ALPK1: variants seen among roughly 807,000 people sequenced by gnomAD.
ALPK1 encodes alpha-protein kinase 1.
In ALPK1, 110 loss-of-function variants were observed where a neutral mutation model predicts 120.6. The observed-to-expected ratio is 0.91, with a 90% CI of 0.78 to 1.07. The LOEUF (loss-of-function observed/expected upper bound fraction) is 1.07, where lower values mean the gene tolerates loss of function less well. ALPK1 is among the 50% of genes least tolerant of loss of function. The pLI is 0.00. For synonymous variants in ALPK1, 582 were observed against 560.3 expected (o/e 1.04, Z -0.55); for missense variants, 1,498 against 1,483.9 (o/e 1.01, Z -0.16).
rs755581408 is a variant in ALPK1 at position 112,430,808 on chromosome 4, GT to G, written c.1263del (p.Gln422LysfsTer6). The G allele has an allele frequency of 6.2e-7, 1 of 1,614,234 alleles. No homozygotes were observed. Among genetic ancestry groups the G allele is most frequent in the South Asian group, 1.1e-5 (1 of 91,088 alleles). ...VIAQVKEHLQ[V>X]QSFSNVDDRS... ...TGCCCAGGTGAAGGAACATTTACAA[GT>G]TCAAAGCTTCTCAAATGTAGATGAC... is the stretch of plus-strand genomic sequence containing the variant. On this transcript the variant is annotated frameshift_variant, in exon 11 of 16. Transcript: ENST00000650871. LOFTEE classifies it high-confidence loss of function.
intron 4 of ALPK1, chr4:112,410,779 G>T (rs187639891): frequency 1.3e-5 from 2 of 152,006 alleles, no homozygotes; most frequent in South Asian, 4.2e-4. Flanking sequence ...TCTACTTCTC[G>T]CTCTTTATGT....
At chr4:112,365,765 A>G (rs1174243036) in intron 2 of ALPK1, among the ~76,000 whole-genome samples, 2 of 152,214 alleles carry the variant, frequency 1.3e-5, no homozygotes. Flanking sequence ...ACTAAGCAAA[A>G]AGAACGAATC....
intron 2 of ALPK1, among the ~76,000 whole-genome samples, chr4:112,351,893 T>C (rs958020113): frequency 6.6e-6 from 1 of 152,254 alleles, no homozygotes; most frequent in Non-Finnish European, 1.5e-5. Context: ...CAATAGACTA[T>C]GTTTACCATG....
At position 112,412,535 on chromosome 4, in the gene ALPK1, T is replaced by C. The variant is rs930662469; in HGVS notation, c.475+510T>C. The C allele has an allele frequency of 5.0e-5, 22 of 437,618 alleles. No individual in the cohort carries two copies. In the Admixed American group the frequency reaches 5.4e-4, roughly 11 times the overall value. The allele number at this position is 437,618 out of a possible 1,614,324, so 27.1% of individuals were successfully genotyped here. On this transcript the variant is annotated intron_variant, in intron 5 of 15. Coordinates refer to ENST00000650871, the MANE Select transcript of ALPK1 (RefSeq NM_025144.4). ...GATTAGGTCTTAAAGTATCTTTTTT[T>C]TTCCTGTCACTTTGAATGAAATGAA...
At chr4:112,419,395 G>T (rs1223521826) in intron 5 of ALPK1, among the ~76,000 whole-genome samples, 1 of 152,004 alleles carries the variant, frequency 6.6e-6, no homozygotes, top group Non-Finnish European at 1.5e-5. Context: ...ATTATCAAGT[G>T]GTTCAAGTTG....
rs1475369284 is a variant in ALPK1, at chr4:112,435,143, C to T, written c.3035-5C>T. On this transcript the variant is annotated splice_polypyrimidine_tract_variant and splice_region_variant and intron_variant, in intron 11 of 15. Transcript: ENST00000650871. ...AAGATTCATTTTCATCTTTTTTTTTCCCAGGTGCTCTTTTGTTAAAATATT... is the reference window on the plus strand; with the variant it reads ...AAGATTCATTTTCATCTTTTTTTTTTCCAGGTGCTCTTTTGTTAAAATATT... 5.1e-6 allele frequency: 8 copies of T among 1,584,146 alleles called. No homozygotes were observed. The highest frequency in any genetic ancestry group is 2.3e-5 in the East Asian group (1 of 44,332).
Position 112,429,225 on chromosome 4 carries a change from A to T in ALPK1, c.872A>T (p.Tyr291Phe). 1.2e-6 allele frequency: 2 copies of T among 1,612,932 alleles called. No homozygotes were observed. The highest frequency in any genetic ancestry group is 1.7e-6 in the Non-Finnish European group (2 of 1,179,944). The part of the protein sequence containing the change: ...ACKLAAAFSA[Y>F]TPLFVLTAVN... ...AAGCTGGCAGCTGCCTTCAGTGCCT[A>T]TACGCCGCTCTTCGTGCTCACAGCT... Residue 291 changes from tyrosine to phenylalanine, a missense_variant, in exon 10 of 16, where the codon TAT (tyrosine) becomes TTT (phenylalanine). By Grantham distance (22) the Tyr-to-Phe change is conservative. Transcript: ENST00000650871.
At chr4:112,301,748 C>CTTAT (rs879409589) in intron 1 of ALPK1, among the ~76,000 whole-genome samples, 2 of 151,988 alleles carry the variant, frequency 1.3e-5, no homozygotes, top group African/African-American at 2.4e-5. Context: ...ATTTTATTTA[C>CTTAT]TTATTTATTT....
chr4:112,339,885 A>G (rs1158826783), intron 2 of ALPK1, among the ~76,000 whole-genome samples: 1 of 152,254 alleles, frequency 6.6e-6, no homozygotes, highest in African/African-American at 2.4e-5. Context: ...TAATCAAAGG[A>G]CCAAAAATAC....
chr4:112,383,982 T>A lies in ALPK1; in HGVS notation c.276+1430T>A, dbSNP rs569595112. ...ATATTTTGTGTAATTTAGTGAATAC[T>A]GTGCTGCAAGCGAAAAACAGAATGG... On this transcript the variant is annotated intron_variant, in intron 4 of 15. Transcript: ENST00000650871. 7 of 152,372 alleles carry A rather than the reference T, an allele frequency of 4.6e-5. No individual in the cohort carries two copies. The East Asian group carries it at 1.2e-3, about 25-fold the overall frequency. The allele number at this position is 152,372 out of a possible 1,614,324, so 9.4% of individuals were successfully genotyped here.
At chr4:112,412,139 C>A in intron 5 of ALPK1, 114 bp downstream of exon 5, 1 of 1,304,274 alleles carries the variant, frequency 7.7e-7, no homozygotes, top group Non-Finnish European at 1.1e-6. Flanking sequence ...TGCGTGCCAT[C>A]TTTCCGAGCC....
chr4:112,374,604 A>G (rs967342921), intron 2 of ALPK1, among the ~76,000 whole-genome samples: 3 of 152,224 alleles, frequency 2.0e-5, no homozygotes, highest in African/African-American at 7.2e-5. Flanking sequence ...ATTACTATAA[A>G]AGATATAAGC....
chr4:112,437,453 G>A (rs1335810940), intron 12 of ALPK1, among the ~76,000 whole-genome samples: 1 of 152,194 alleles, frequency 6.6e-6, no homozygotes, highest in African/African-American at 2.4e-5. Context: ...TCTTCTGGCA[G>A]AATGTTCAGG....
intron 4 of ALPK1, among the ~76,000 whole-genome samples, chr4:112,396,626 T>A (rs555404853): frequency 6.6e-6 from 1 of 152,358 alleles, no homozygotes; most frequent in Non-Finnish European, 1.5e-5. Context: ...TTTCTTTATA[T>A]TTTGAGATCT....
chr4:112,347,256 G>A (rs1730139984), intron 2 of ALPK1, among the ~76,000 whole-genome samples: 1 of 152,212 alleles, frequency 6.6e-6, no homozygotes, highest in South Asian at 2.1e-4. Flanking sequence ...AGGACACAGA[G>A]TGGTCTCACA....
chr4:112,425,736 A>G lies in ALPK1; in HGVS notation c.607A>G (p.Ile203Val), dbSNP rs1734208369. 2 of 1,611,498 alleles carry G rather than the reference A, an allele frequency of 1.2e-6. No individual in the cohort carries two copies. Among genetic ancestry groups the G allele is most frequent in the Non-Finnish European group, 8.5e-7 (1 of 1,178,236 alleles). The change falls in exon 7 of 16, where the codon ATT becomes GTT. Residue 203 changes from isoleucine (I) to valine (V), a missense_variant. Ile to Val is a conservative substitution (Grantham distance 29). Coordinates refer to ENST00000650871, the MANE Select transcript of ALPK1 (RefSeq NM_025144.4). Reference protein sequence around the residue: ...QSVCIQIRGQILQKLGMWYEA... With the variant: ...QSVCIQIRGQVLQKLGMWYEA... Reference sequence around the variant, plus strand: ...GGTCTGTATACAGATCAGAGGGCAGATTCTGCAAAAGCTGGGTACAATCAT... The same window carrying G: ...GGTCTGTATACAGATCAGAGGGCAGGTTCTGCAAAAGCTGGGTACAATCAT...
intron 2 of ALPK1, among the ~76,000 whole-genome samples, chr4:112,344,481 A>T (rs1428874386): frequency 1.3e-5 from 2 of 152,240 alleles, no homozygotes; most frequent in Non-Finnish European, 2.9e-5. Flanking sequence ...TCATCAGTAA[A>T]TTGGAAGAAG....
intron 4 of ALPK1, among the ~76,000 whole-genome samples, chr4:112,407,360 T>C (rs925293535): frequency 1.3e-5 from 2 of 152,190 alleles, no homozygotes; most frequent in Non-Finnish European, 2.9e-5. Flanking sequence ...ATGCCTGTAA[T>C]GCCAGCTACT....
intron 4 of ALPK1, among the ~76,000 whole-genome samples, chr4:112,395,483 T>A (rs1732608280): frequency 6.6e-6 from 1 of 152,254 alleles, no homozygotes; most frequent in African/African-American, 2.4e-5. Context: ...AAAACATTTT[T>A]ATTGCTCATC....
Sources: allele counts gnomAD v4.1 joint callset (sites outside exome capture counted in the v4.1 genomes callset), GRCh38; gene constraint gnomAD v4.1.1; transcripts MANE v1.5; gene names NCBI Gene and HGNC (gene_info 2026-07-23, HGNC 2026-07-21).